Variants in ULK4 observed in about 807,000 individuals in gnomAD.
ULK4 encodes unc-51 like kinase 4, also known as inactive serine/threonine-protein kinase ULK4.
ULK4 carries 133 observed loss-of-function variants against 160.6 expected under a neutral mutation model. The observed-to-expected ratio is 0.83, with a 90% CI of 0.72 to 0.96. The LOEUF (loss-of-function observed/expected upper bound fraction) is 0.96, where lower values mean the gene tolerates loss of function less well. Among genes scored for constraint, ULK4 ranks in the 40% least tolerant of loss-of-function variants. The pLI is 0.00. For synonymous variants in ULK4, 534 were observed against 539.8 expected, an observed-to-expected ratio of 0.99 and a Z score of 0.15; for missense variants, 1,580 against 1,499.5, an observed-to-expected ratio of 1.05 and a Z score of -0.89.
chr3:41,263,627 G>A (rs900128134), intron 35 of ULK4, among the ~76,000 whole-genome samples: 1 of 152,076 alleles, frequency 6.6e-6, no homozygotes, highest in Non-Finnish European at 1.5e-5. Context: ...AACATGCATG[G>A]ACCATGACTG....
intron 18 of ULK4, among the ~76,000 whole-genome samples, chr3:41,833,294 T>TG (rs1309141194): frequency 3.4e-4 from 50 of 146,306 alleles, no homozygotes; most frequent in Middle Eastern, 3.7e-3. Context: ...TTGTTTTTTT[T>TG]TTTTTTGTTT....
intron 31 of ULK4, among the ~76,000 whole-genome samples, chr3:41,613,318 T>C (rs2032795150): frequency 6.6e-6 from 1 of 152,230 alleles, no homozygotes; most frequent in Admixed American, 6.5e-5. Flanking sequence ...ATTTTTATCT[T>C]CTTTTTATTG....
chr3:41,866,458 T>C (rs1182561477), intron 17 of ULK4, among the ~76,000 whole-genome samples: 1 of 152,222 alleles, frequency 6.6e-6, no homozygotes, highest in Non-Finnish European at 1.5e-5. Flanking sequence ...GCATTAGATT[T>C]TCATAAAGTG....
intron 32 of ULK4, among the ~76,000 whole-genome samples, chr3:41,531,479 GGGAGA>G (rs1436570868): frequency 3.3e-5 from 2 of 61,012 alleles, no homozygotes; most frequent in Non-Finnish European, 6.8e-5. Flanking sequence ...GGGAGAGGAG[GGGAGA>G]GGAGAGGAGA....
chr3:41,702,551 T>C (rs1415766322), intron 27 of ULK4, among the ~76,000 whole-genome samples: 1 of 152,076 alleles, frequency 6.6e-6, no homozygotes, highest in Non-Finnish European at 1.5e-5. Context: ...AGCAGGCAAA[T>C]ATTAATCAAA....
At chr3:41,433,577 C>T (rs1036219904) in intron 34 of ULK4, among the ~76,000 whole-genome samples, 3 of 152,148 alleles carry the variant, frequency 2.0e-5, no homozygotes, top group African/African-American at 4.8e-5. Flanking sequence ...TCCACATACA[C>T]ACACCTAGAA....
At chr3:41,676,665 T>C (rs1290094459) in intron 29 of ULK4, among the ~76,000 whole-genome samples, 1 of 152,168 alleles carries the variant, frequency 6.6e-6, no homozygotes, top group Non-Finnish European at 1.5e-5. Context: ...AGGCTATCCC[T>C]ATCTTGGTTA....
In ULK4 at chr3:41,665,645, A is replaced by G. The variant is rs576561877; in HGVS notation, c.2979-1946T>C. 4.6e-5 allele frequency among the ~76,000 whole-genome samples: 7 copies of G among 152,338 alleles called. No individual in the cohort carries two copies. The East Asian group carries it at 1.2e-3, about 25-fold the overall frequency. The stretch of plus-strand genomic sequence containing the variant: ...GTAATTTCAAGAATGAAAAAAATCA[A>G]TCTTAGGAAATGAGTTAATATATTT... On this transcript the variant is annotated intron_variant, in intron 29 of 36. Transcript: ENST00000301831.
At chr3:41,371,636 C>G (rs1268646911) in intron 35 of ULK4, among the ~76,000 whole-genome samples, 1 of 152,148 alleles carries the variant, frequency 6.6e-6, no homozygotes, top group East Asian at 1.9e-4. Context: ...GACACTCCAT[C>G]CGAAGGTCAC....
chr3:41,485,057 C>G (rs774946626), intron 32 of ULK4, among the ~76,000 whole-genome samples: 1 of 152,078 alleles, frequency 6.6e-6, no homozygotes, highest in African/African-American at 2.4e-5. Context: ...TTTCCATGTG[C>G]CAGGTATTAT....
At chr3:41,882,984 G>A (rs1193322451) in intron 17 of ULK4, among the ~76,000 whole-genome samples, 1 of 151,912 alleles carries the variant, frequency 6.6e-6, no homozygotes, top group African/African-American at 2.4e-5. Context: ...CATTTTTTTA[G>A]GCCCCCCAAA....
rs148442638 is a variant in ULK4, at chr3:41,676,995, C to G, written c.2978+4513G>C. 3.0e-3 allele frequency among the ~76,000 whole-genome samples: 443 copies of G among 149,638 alleles called. 1 individual carries two copies. Among genetic ancestry groups the G allele is most frequent in the African/African-American group, 0.01 (420 of 40,118 alleles). ...AATCACGGTCACCATATCCTCGACACCCCTGGGCTCAGGTGATTCTCCCAC... is the reference window on the plus strand; with the variant it reads ...AATCACGGTCACCATATCCTCGACAGCCCTGGGCTCAGGTGATTCTCCCAC... On this transcript the variant is annotated intron_variant, in intron 29 of 36. Transcript: ENST00000301831.
rs1335253132 is a variant in ULK4 at position 41,717,863 on chromosome 3, T to C, written c.2322-2A>G. 6.2e-7 allele frequency: 1 copy of C among 1,613,554 alleles called. No individual in the cohort carries two copies. The highest frequency in any genetic ancestry group is 1.3e-5 in the African/African-American group (1 of 74,922). On this transcript the variant is annotated splice_acceptor_variant, in intron 22 of 36. Transcript: ENST00000301831. LOFTEE classifies it high-confidence loss of function. ...TCTCTCTCGATGTACATCACCAGTC[T>C]ACATACAGGAAAGTGCAAAGATTAC...
At chr3:41,496,712 G>C (rs945843888) in intron 32 of ULK4, among the ~76,000 whole-genome samples, 2 of 152,100 alleles carry the variant, frequency 1.3e-5, no homozygotes, top group Non-Finnish European at 2.9e-5. Context: ...CTGTTGAGTT[G>C]AACAGAGATA....
intron 20 of ULK4, among the ~76,000 whole-genome samples, chr3:41,792,712 T>C (rs940339683): frequency 6.6e-6 from 1 of 152,170 alleles, no homozygotes; most frequent in Non-Finnish European, 1.5e-5. Context: ...AGGCAGAAAA[T>C]ACTCTTTAAT....
chr3:41,926,667 A>G (rs975394957), intron 5 of ULK4, among the ~76,000 whole-genome samples: 1 of 152,230 alleles, frequency 6.6e-6, no homozygotes, highest in Non-Finnish European at 1.5e-5. Flanking sequence ...GACCTGATGG[A>G]GCTGAAAAAC....
At chr3:41,542,335 T>C (rs1362559993) in intron 32 of ULK4, among the ~76,000 whole-genome samples, 3 of 152,178 alleles carry the variant, frequency 2.0e-5, no homozygotes, top group Non-Finnish European at 2.9e-5. Flanking sequence ...CATTTATTGA[T>C]TTGTGTATGT....
chr3:41,709,410 CAG>C (rs771166833), intron 25 of ULK4, among the ~76,000 whole-genome samples: 7 of 152,120 alleles, frequency 4.6e-5, no homozygotes, highest in African/African-American at 4.8e-5. Flanking sequence ...TTTTTTGAGA[CAG>C]AGTCTCGCTC....
intron 31 of ULK4, among the ~76,000 whole-genome samples, chr3:41,569,230 GC>G (rs1159314880): frequency 1.3e-5 from 2 of 152,096 alleles, no homozygotes; most frequent in Middle Eastern, 3.2e-3. Context: ...TATATCACTG[GC>G]CATGAGTGAT....
Sources: gnomAD v4.1 joint callset for allele counts (sites outside exome capture counted in the v4.1 genomes callset) on GRCh38, gnomAD v4.1.1 for gene constraint, MANE v1.5 for transcripts, NCBI Gene and HGNC (gene_info 2026-07-23, HGNC 2026-07-21) for gene names.